Variants in RFX2 observed in about 807,000 individuals in gnomAD.
RFX2 encodes the protein DNA-binding protein RFX2.
Under a neutral mutation model 87.8 loss-of-function variants are expected in RFX2, and 20 were observed. The observed-to-expected ratio is 0.23, with a 90% confidence interval of 0.16 to 0.33. The LOEUF is 0.33. RFX2 is among the 10% of genes least tolerant of loss of function. The pLI, the probability that RFX2 is intolerant of heterozygous loss-of-function variation, is 1.00. For missense variants in RFX2, 767 were observed against 1,012.3 expected, an observed-to-expected ratio of 0.76 and a Z score of 3.29; for synonymous variants, 397 against 431.3, an observed-to-expected ratio of 0.92 and a Z score of 0.98.
chr19:6,065,739 T>A (rs2087500559), intron 1 of RFX2, among the ~76,000 whole-genome samples: 1 of 152,124 alleles, frequency 6.6e-6, no homozygotes, highest in South Asian at 2.1e-4. Flanking sequence ...GCAATGAACA[T>A]TTTCTTGGGG....
chr19:6,018,457 C>T (rs907342385), intron 6 of RFX2, among the ~76,000 whole-genome samples: 3 of 152,188 alleles, frequency 2.0e-5, no homozygotes, highest in African/African-American at 4.8e-5. Context: ...GGTTCTGGAA[C>T]GTTTCACAGG....
At chr19:6,091,912 G>T (rs536479166) in intron 1 of RFX2, among the ~76,000 whole-genome samples, 1 of 152,226 alleles carries the variant, frequency 6.6e-6, no homozygotes, top group Non-Finnish European at 1.5e-5. Flanking sequence ...CTATGTCCCA[G>T]TTTGGGAGTC....
At position 6,039,958 on chromosome 19, in the gene RFX2, G is replaced by C; in HGVS notation, c.522+22C>G. On this transcript the variant is annotated intron_variant, in intron 5 of 17. Transcript: ENST00000303657. This position sits in a 1 kb window ranked among gnomAD's most constrained non-coding sequence, Gnocchi z 5.2. Reference sequence around the variant, plus strand: ...AGAATACTCATGGCCTACCCTGCTGGTCCCAAGAGCCTCCTACATACCGTG... The same window carrying C: ...AGAATACTCATGGCCTACCCTGCTGCTCCCAAGAGCCTCCTACATACCGTG... The C allele has an allele frequency of 6.5e-7, 1 of 1,533,148 alleles. No homozygotes were observed. Among genetic ancestry groups the C allele is most frequent in the Non-Finnish European group, 8.8e-7 (1 of 1,130,842 alleles). The allele number at this position is 1,533,148 out of a possible 1,614,324, so 95.0% of individuals were successfully genotyped here.
At chr19:6,034,563 TG>T (rs1289613229) in intron 5 of RFX2, among the ~76,000 whole-genome samples, 2 of 151,994 alleles carry the variant, frequency 1.3e-5, no homozygotes, top group East Asian at 3.9e-4. Context: ...GGTCTCACTA[TG>T]TTGCCTAAGC....
At chr19:6,090,191 C>T (rs1287304994) in intron 1 of RFX2, among the ~76,000 whole-genome samples, 1 of 151,988 alleles carries the variant, frequency 6.6e-6, no homozygotes, top group Non-Finnish European at 1.5e-5. Context: ...TGGTCTTGAA[C>T]TACTGAGCTC....
chr19:6,075,740 A>C (rs981715394), intron 1 of RFX2, among the ~76,000 whole-genome samples: 1 of 152,214 alleles, frequency 6.6e-6, no homozygotes, highest in Non-Finnish European at 1.5e-5. Flanking sequence ...GATGACACCC[A>C]CATGCAGCTG....
At chr19:6,037,215 C>A (rs1450864515) in intron 5 of RFX2, among the ~76,000 whole-genome samples, 2 of 149,524 alleles carry the variant, frequency 1.3e-5, no homozygotes, top group Non-Finnish European at 3.0e-5. Flanking sequence ...ACCTGGGAGG[C>A]GGAGCTTGCA....
At chr19:6,031,631 T>C (rs1208453575) in intron 5 of RFX2, among the ~76,000 whole-genome samples, 5 of 151,982 alleles carry the variant, frequency 3.3e-5, no homozygotes, top group South Asian at 2.1e-4. Context: ...GGTTTCACCA[T>C]GTTGGCCAGG....
chr19:6,082,590 T>C (rs575754111), intron 1 of RFX2, among the ~76,000 whole-genome samples: 18 of 151,964 alleles, frequency 1.2e-4, no homozygotes, highest in Non-Finnish European at 1.8e-4. Context: ...GCACCACCAC[T>C]CTCAGCTAGT....
At chr19:6,082,324 G>T (rs1171454193) in intron 1 of RFX2, among the ~76,000 whole-genome samples, 1 of 151,768 alleles carries the variant, frequency 6.6e-6, no homozygotes, top group East Asian at 1.9e-4. Context: ...TGGTAGACAG[G>T]GGAAATGGAC....
At position 6,040,938 on chromosome 19, in the gene RFX2, A is replaced by G. The variant is rs544805505; in HGVS notation, c.261-697T>C. 3.3e-5 allele frequency among the ~76,000 whole-genome samples: 5 copies of G among 152,342 alleles called. No homozygotes were observed. Among genetic ancestry groups the G allele is most frequent in the Non-Finnish European group, 7.3e-5 (5 of 68,038 alleles). ...CGCACGCACATGCAAGGGTACACAC[A>G]TGAACATGCAAAGCCACATGTACTC... On this transcript the variant is annotated intron_variant, in intron 4 of 17. Coordinates refer to ENST00000303657, the MANE Select transcript of RFX2 (RefSeq NM_000635.4). This position sits in a 1 kb window ranked among gnomAD's most constrained non-coding sequence, Gnocchi z 6.1.
rs2086450315 is a variant in RFX2 at position 5,998,648 on chromosome 19, C to T, written c.1860-1435G>A. Among the ~76,000 whole-genome samples, 1 of 152,192 alleles carries T rather than the reference C, an allele frequency of 6.6e-6. No individual in the cohort carries two copies. ...TTCCAAGCCCCCTTTCCCCAAAGGCCTCCCCCACGCAGATGAGGTGCTGGC... is the reference window on the plus strand; with the variant it reads ...TTCCAAGCCCCCTTTCCCCAAAGGCTTCCCCCACGCAGATGAGGTGCTGGC... On this transcript the variant is annotated intron_variant, in intron 15 of 17. Transcript: ENST00000303657. This position sits in a 1 kb window ranked among gnomAD's most constrained non-coding sequence, Gnocchi z 4.2.
rs754840235 is a variant in RFX2 at position 6,002,920 on chromosome 19, C to T, written c.1501-50G>A. ...CAGGGGTTCGCAGGGAGAGCCTGTT[C>T]CGCTGCGCTCCTTGCAGGGGTGTGT... On this transcript the variant is annotated intron_variant, in intron 13 of 17. Coordinates refer to ENST00000303657, the MANE Select transcript of RFX2 (RefSeq NM_000635.4). The surrounding 1 kb of genome is among the most constrained non-coding windows in gnomAD (Gnocchi z 6.7). 3.2e-6 allele frequency: 5 copies of T among 1,558,064 alleles called. No individual in the cohort carries two copies. The highest frequency in any genetic ancestry group is 4.3e-6 in the Non-Finnish European group (5 of 1,156,846).
intron 1 of RFX2, chr19:6,073,208 G>T: frequency 1.9e-6 from 1 of 532,226 alleles, no homozygotes; most frequent in South Asian, 1.7e-5. Flanking sequence ...TCAAACTCCT[G>T]ACCTCAGGTG....
In RFX2 at chr19:6,010,109, G is replaced by T; in HGVS notation, c.1015+27C>A. The T allele has an allele frequency of 6.9e-7, 1 of 1,441,828 alleles. No individual in the cohort carries two copies. 89.3% of individuals were successfully genotyped at this position (1,441,828 alleles called of 1,614,324 possible). A position where few individuals can be genotyped will look rare whatever the true frequency, so the allele number is the denominator to read the frequency against. ...AGTGTGGCGAGCAGATGGGAGCCCC[G>T]CCCCCGGGCCTGACCGGGCCTCTCA... On this transcript the variant is annotated intron_variant, in intron 9 of 17. Transcript: ENST00000303657. The surrounding 1 kb of genome is among the most constrained non-coding windows in gnomAD (Gnocchi z 5.0).
intron 1 of RFX2, among the ~76,000 whole-genome samples, chr19:6,095,957 C>T (rs902906078): frequency 1.3e-5 from 2 of 152,240 alleles, no homozygotes; most frequent in Non-Finnish European, 2.9e-5. Flanking sequence ...CAGGCCCAAG[C>T]TCTCACATGT....
Position 6,006,781 on chromosome 19 carries a change from C to T in RFX2, c.1402+231G>A, listed in dbSNP as rs1348431646. On this transcript the variant is annotated intron_variant, in intron 12 of 17. Coordinates refer to ENST00000303657, the MANE Select transcript of RFX2 (RefSeq NM_000635.4). The stretch of plus-strand genomic sequence containing the variant: ...AAATTTTTTTTTTTTTTTTTAGAGA[C>T]AGGGTCTCACTATGCTGCCCAGGCT... Among the ~76,000 whole-genome samples the T allele has an allele frequency of 4.3e-5, 6 of 139,868 alleles. No individual in the cohort carries two copies. The East Asian group carries it at 1.3e-3, about 30-fold the overall frequency. 91.8% of individuals were successfully genotyped at this position (139,868 alleles called of 152,430 possible). A position where few individuals can be genotyped will look rare whatever the true frequency, so the allele number is the denominator to read the frequency against.
rs937031580 is a variant in RFX2 at position 6,020,926 on chromosome 19, GA to G, written c.598-4656del. On this transcript the variant is annotated intron_variant, in intron 6 of 17. Transcript: ENST00000303657. This position sits in a 1 kb window ranked among gnomAD's most constrained non-coding sequence, Gnocchi z 5.3. ...AATGGATCAAATCATTCCTTTTAAG[GA>G]AAAAAAATCCCGAAATGCCAGCGCC... 1.3e-5 allele frequency among the ~76,000 whole-genome samples: 2 copies of G among 152,040 alleles called. No individual in the cohort carries two copies. The highest frequency in any genetic ancestry group is 2.1e-4 in the South Asian group (1 of 4,814).
At position 6,004,601 on chromosome 19, in the gene RFX2, G is replaced by A. The variant is rs1942977567; in HGVS notation, c.1403-303C>T. ...CTGCAGGGTGCCTCAGGCATGGAGTGGGTGGAGGCTAGGGATGCTCCTCAG... is the reference window on the plus strand; with the variant it reads ...CTGCAGGGTGCCTCAGGCATGGAGTAGGTGGAGGCTAGGGATGCTCCTCAG... On this transcript the variant is annotated intron_variant, in intron 12 of 17. Coordinates refer to ENST00000303657, the MANE Select transcript of RFX2 (RefSeq NM_000635.4). This position sits in a 1 kb window ranked among gnomAD's most constrained non-coding sequence, Gnocchi z 4.8. Among the ~76,000 whole-genome samples, 1 of 151,816 alleles carries A rather than the reference G, an allele frequency of 6.6e-6. No homozygotes were observed. Among genetic ancestry groups the A allele is most frequent in the Admixed American group, 6.6e-5 (1 of 15,256 alleles).
Sources: gnomAD v4.1 joint callset for allele counts (sites outside exome capture counted in the v4.1 genomes callset) on GRCh38, gnomAD v4.1.1 for gene constraint, Gnocchi (gnomAD v3.1) non-coding constraint, MANE v1.5 for transcripts, NCBI Gene and HGNC (gene_info 2026-07-23, HGNC 2026-07-21) for gene names.